PRKCA: variants seen among roughly 807,000 people sequenced by gnomAD.
PRKCA encodes protein kinase C alpha type.
In PRKCA, 27 loss-of-function variants were observed where a neutral mutation model predicts 87.0. That is an observed-to-expected ratio of 0.31 (90% CI 0.23 to 0.43). The LOEUF (loss-of-function observed/expected upper bound fraction) is 0.43, where lower values mean the gene tolerates loss of function less well. PRKCA is among the 20% of genes least tolerant of loss of function. The pLI is 1.00. For synonymous variants in PRKCA, 329 were observed against 311.1 expected, an observed-to-expected ratio of 1.06 and a Z score of -0.61; for missense variants, 518 against 852.3, an observed-to-expected ratio of 0.61 and a Z score of 4.88.
At chr17:66,686,861 G>A (rs1598873718) in intron 5 of PRKCA, among the ~76,000 whole-genome samples, 2 of 152,176 alleles carry the variant, frequency 1.3e-5, no homozygotes, top group East Asian at 3.8e-4. Flanking sequence ...TGTTGCTGAT[G>A]CTGCCAGTCC....
intron 3 of PRKCA, among the ~76,000 whole-genome samples, chr17:66,578,557 G>A (rs937577507): frequency 1.4e-5 from 2 of 144,052 alleles, no homozygotes; most frequent in Non-Finnish European, 3.0e-5. Context: ...TGTACCTGGG[G>A]CTGGTTTGGT....
chr17:66,640,031 G>A (rs1340346258), intron 3 of PRKCA, among the ~76,000 whole-genome samples: 1 of 151,982 alleles, frequency 6.6e-6, no homozygotes, highest in Non-Finnish European at 1.5e-5. Context: ...AAATAAATAA[G>A]CAGAGGCCCC....
At position 66,424,568 on chromosome 17, in the gene PRKCA, A is replaced by AAACACACACACACACACACACACACACAC. The variant is rs1555602396; in HGVS notation, c.206-71632_206-71631insACACACACACACACACACACACACACACA. ...GGCAGCAGAGCACGACCCTGTCTCAAACACACACACACACACACACACACA... is the reference window on the plus strand; with the variant it reads ...GGCAGCAGAGCACGACCCTGTCTCAAAACACACACACACACACACACACACACACACACACACACACACACACACACACA... On this transcript the variant is annotated intron_variant, in intron 2 of 16. Coordinates refer to ENST00000413366, the MANE Select transcript of PRKCA (RefSeq NM_002737.3). Among the ~76,000 whole-genome samples, 114 of 142,052 alleles carry AAACACACACACACACACACACACACACAC rather than the reference A, an allele frequency of 8.0e-4. 1 individual carries two copies. The highest frequency in any genetic ancestry group is 3.0e-3 in the African/African-American group (111 of 37,588). The allele number at this position is 142,052 out of a possible 152,430, so 93.2% of individuals were successfully genotyped here.
intron 3 of PRKCA, among the ~76,000 whole-genome samples, chr17:66,639,073 A>G (rs575573956): frequency 1.3e-5 from 2 of 152,346 alleles, no homozygotes; most frequent in African/African-American, 4.8e-5. Context: ...TTATGTCTAC[A>G]GTAGATCTCT....
intron 3 of PRKCA, among the ~76,000 whole-genome samples, chr17:66,520,145 T>A (rs931273857): frequency 7.4e-6 from 1 of 135,232 alleles, no homozygotes; most frequent in Non-Finnish European, 1.6e-5. Context: ...TTTTTTTTTT[T>A]AGACAGAGTC....
intron 3 of PRKCA, among the ~76,000 whole-genome samples, chr17:66,616,423 A>C (rs1287620614): frequency 6.6e-6 from 1 of 152,166 alleles, no homozygotes; most frequent in Non-Finnish European, 1.5e-5. Context: ...GCAATGGTGA[A>C]GGCCCTCTGT....
chr17:66,583,186 T>G (rs544122233), intron 3 of PRKCA, among the ~76,000 whole-genome samples: 1 of 152,320 alleles, frequency 6.6e-6, no homozygotes, highest in East Asian at 1.9e-4. Context: ...TTGCTAGAGA[T>G]AGTTGAGGTT....
intron 14 of PRKCA, chr17:66,777,585 A>G (rs1331326928): frequency 1.0e-6 from 1 of 985,094 alleles, no homozygotes; most frequent in African/African-American, 1.7e-5. Flanking sequence ...AAATTTTTAC[A>G]GTAAAATTCG....
intron 8 of PRKCA, among the ~76,000 whole-genome samples, chr17:66,705,059 A>G (rs1335884363): frequency 6.6e-6 from 1 of 152,220 alleles, no homozygotes; most frequent in Non-Finnish European, 1.5e-5. Flanking sequence ...GAGTACTTTC[A>G]GATGACCTTT....
intron 2 of PRKCA, among the ~76,000 whole-genome samples, chr17:66,450,656 C>T (rs778859461): frequency 3.3e-5 from 5 of 152,324 alleles, no homozygotes; most frequent in Non-Finnish European, 7.3e-5. Context: ...TGACTTTCAT[C>T]CACACACTTA....
intron 13 of PRKCA, among the ~76,000 whole-genome samples, chr17:66,756,079 A>G (rs1974540875): frequency 6.6e-6 from 1 of 152,200 alleles, no homozygotes; most frequent in African/African-American, 2.4e-5. Context: ...CGGGGGCTCC[A>G]CGCGTTTTGG....
At chr17:66,594,514 A>T (rs1193709127) in intron 3 of PRKCA, among the ~76,000 whole-genome samples, 1 of 152,190 alleles carries the variant, frequency 6.6e-6, no homozygotes, top group African/African-American at 2.4e-5. Flanking sequence ...ATGAAGGGCA[A>T]ACTCAGGCAC....
At chr17:66,671,314 G>C (rs944526074) in intron 5 of PRKCA, among the ~76,000 whole-genome samples, 1 of 151,602 alleles carries the variant, frequency 6.6e-6, no homozygotes, top group Non-Finnish European at 1.5e-5. Flanking sequence ...GCCAAGAAGT[G>C]GGGGGGTTTA....
At chr17:66,349,734 G>A (rs1228262105) in intron 2 of PRKCA, among the ~76,000 whole-genome samples, 2 of 152,132 alleles carry the variant, frequency 1.3e-5, no homozygotes, top group Admixed American at 6.5e-5. Context: ...CAATAGAACA[G>A]TGTTTGGCCT....
intron 3 of PRKCA, among the ~76,000 whole-genome samples, chr17:66,532,361 A>G (rs1967579626): frequency 9.4e-6 from 1 of 106,370 alleles, no homozygotes; most frequent in African/African-American, 3.6e-5. Flanking sequence ...CTTGAATTTT[A>G]TTTTATTTTT....
intron 2 of PRKCA, among the ~76,000 whole-genome samples, chr17:66,352,207 C>G (rs1249664540): frequency 6.6e-6 from 1 of 152,148 alleles, no homozygotes; most frequent in African/African-American, 2.4e-5. Flanking sequence ...TCTAGTAGGG[C>G]TACAAAACTC....
At chr17:66,421,999 G>A (rs749880915) in intron 2 of PRKCA, among the ~76,000 whole-genome samples, 12 of 152,032 alleles carry the variant, frequency 7.9e-5, no homozygotes, top group East Asian at 7.7e-4. Flanking sequence ...TGTCAGCAGG[G>A]GGTTGGTTTT....
intron 2 of PRKCA, among the ~76,000 whole-genome samples, chr17:66,457,674 A>G (rs1399751073): frequency 1.3e-5 from 2 of 152,032 alleles, no homozygotes; most frequent in Non-Finnish European, 2.9e-5. Context: ...TGATGGTTCT[A>G]TAAGGGGCCT....
intron 2 of PRKCA, among the ~76,000 whole-genome samples, chr17:66,382,547 T>A (rs1322220508): frequency 6.6e-6 from 1 of 152,182 alleles, no homozygotes; most frequent in Admixed American, 6.5e-5. Context: ...GTGATTTGCC[T>A]GCCTCAGCCT....
Sources: gnomAD v4.1 joint callset for allele counts (sites outside exome capture counted in the v4.1 genomes callset) on GRCh38, gnomAD v4.1.1 for gene constraint, MANE v1.5 for transcripts, NCBI Gene and HGNC (gene_info 2026-07-23, HGNC 2026-07-21) for gene names.